CLVS1: variants seen among roughly 807,000 people sequenced by gnomAD.
CLVS1 encodes clavesin 1.
CLVS1 carries 10 observed loss-of-function variants against 33.1 expected under a neutral mutation model. That is an observed-to-expected ratio of 0.30 (90% CI 0.19 to 0.51). The LOEUF (loss-of-function observed/expected upper bound fraction) is 0.51. Among genes scored for constraint, CLVS1 ranks in the 20% least tolerant of loss-of-function variants. CLVS1 has a pLI of 0.97. For synonymous variants in CLVS1, 163 were observed against 166.1 expected, an observed-to-expected ratio of 0.98 and a Z score of 0.14; for missense variants, 343 against 433.4, an observed-to-expected ratio of 0.79 and a Z score of 1.85.
the CLVS1 span, among the ~76,000 whole-genome samples, chr8:61,044,988 G>A: frequency 6.6e-6 from 1 of 152,298 alleles, no homozygotes; most frequent in South Asian, 2.1e-4. Context: ...CCAAACAGAT[G>A]GGATGGATTG....
chr8:61,215,926 T>C (rs986271246), intron 2 of CLVS1, among the ~76,000 whole-genome samples: 7 of 152,132 alleles, frequency 4.6e-5, no homozygotes, highest in African/African-American at 1.7e-4. Flanking sequence ...AATCCATTTC[T>C]TGGATCCTTT....
At chr8:61,047,962 T>A in the CLVS1 span, among the ~76,000 whole-genome samples, 18 of 145,974 alleles carry the variant, frequency 1.2e-4, no homozygotes, top group East Asian at 2.4e-3. Context: ...ATAAAAAAAA[T>A]TCATCATCCA....
At chr8:61,029,699 T>C in the CLVS1 span, among the ~76,000 whole-genome samples, 1 of 152,124 alleles carries the variant, frequency 6.6e-6, no homozygotes, top group Non-Finnish European at 1.5e-5. Flanking sequence ...GCTGCACCCA[T>C]CAACCCAAGG....
At chr8:61,052,148 TAATTC>T in the CLVS1 span, among the ~76,000 whole-genome samples, 1 of 152,232 alleles carries the variant, frequency 6.6e-6, no homozygotes, top group South Asian at 2.1e-4. Flanking sequence ...CCACTCCGTT[TAATTC>T]ATTCATCAGT....
intron 2 of CLVS1, among the ~76,000 whole-genome samples, chr8:61,133,174 T>C (rs1806132352): frequency 6.6e-6 from 1 of 151,948 alleles, no homozygotes; most frequent in African/African-American, 2.4e-5. Context: ...AGTTAGCCTG[T>C]AGGGAAGGCA....
chr8:60,988,460 C>T, the CLVS1 span, among the ~76,000 whole-genome samples: 2 of 152,008 alleles, frequency 1.3e-5, no homozygotes, highest in East Asian at 3.9e-4. Context: ...CCTGTGATGC[C>T]GGTGACCTTT....
rs1804514267 is a variant in CLVS1 at position 61,499,968 on chromosome 8, C to T, written c.*426C>T. 6.3e-6 allele frequency: 1 copy of T among 159,110 alleles called. No homozygotes were observed. The highest frequency in any genetic ancestry group is 1.4e-5 in the Non-Finnish European group (1 of 71,436). The allele number at this position is 159,110 out of a possible 1,614,324, so 9.9% of individuals were successfully genotyped here. ...TATCAGAGTTAAACTGTACAGACAC[C>T]ACTGTCAAGTTTCATGTAGTACAAA... On this transcript the variant is annotated 3_prime_UTR_variant, in exon 6 of 6. Coordinates refer to ENST00000325897, the MANE Select transcript of CLVS1 (RefSeq NM_173519.3).
chr8:61,227,110 G>C (rs1190236250), intron 2 of CLVS1, among the ~76,000 whole-genome samples: 1 of 150,530 alleles, frequency 6.6e-6, no homozygotes, highest in African/African-American at 2.4e-5. Context: ...ACAAGACAAA[G>C]CTGTATTGTC....
intron 1 of CLVS1, among the ~76,000 whole-genome samples, chr8:61,092,163 CAACT>C (rs1254546834): frequency 6.6e-6 from 1 of 152,140 alleles, no homozygotes; most frequent in East Asian, 1.9e-4. Flanking sequence ...GTTGTGAAGC[CAACT>C]AACTTATAAG....
At chr8:61,456,091 C>T (rs773096343) in intron 4 of CLVS1, among the ~76,000 whole-genome samples, 17 of 152,140 alleles carry the variant, frequency 1.1e-4, no homozygotes, top group Admixed American at 7.9e-4. Context: ...CAGGTTGGAG[C>T]GAGAGAGAAT....
chr8:60,979,136 T>C, the CLVS1 span, among the ~76,000 whole-genome samples: 3 of 152,330 alleles, frequency 2.0e-5, no homozygotes, highest in South Asian at 6.2e-4. Context: ...CCAGTAGGAC[T>C]GGGTTCTAGT....
chr8:60,970,549 G>A, the CLVS1 span, among the ~76,000 whole-genome samples: 1 of 152,210 alleles, frequency 6.6e-6, no homozygotes, highest in East Asian at 1.9e-4. Flanking sequence ...GCACAGTTTG[G>A]GTAGGTGAGT....
intron 1 of CLVS1, among the ~76,000 whole-genome samples, chr8:61,058,051 TGTCA>T (rs1804511659): frequency 6.6e-6 from 1 of 152,234 alleles, no homozygotes; most frequent in African/African-American, 2.4e-5. Context: ...CTGTTGAGAA[TGTCA>T]GTCAAAGTGT....
intron 2 of CLVS1, among the ~76,000 whole-genome samples, chr8:61,330,523 TA>T (rs1278607085): frequency 6.6e-6 from 1 of 152,212 alleles, no homozygotes; most frequent in South Asian, 2.1e-4. Flanking sequence ...GTGTGTGCAC[TA>T]AAGATTAATT....
intron 2 of CLVS1, among the ~76,000 whole-genome samples, chr8:61,208,834 C>T (rs1807913843): frequency 6.6e-6 from 1 of 152,204 alleles, no homozygotes; most frequent in South Asian, 2.1e-4. Context: ...GATCTGCCCA[C>T]CTCGGCCTCC....
At chr8:61,052,315 C>T (rs917119202), upstream of CLVS1, among the ~76,000 whole-genome samples, 8 of 151,936 alleles carry the variant, frequency 5.3e-5, no homozygotes, top group Non-Finnish European at 8.8e-5. Context: ...ATAAGTAAAA[C>T]GATGTTTAAA....
rs377430743 is a variant in CLVS1 at position 61,499,169 on chromosome 8, T to C, written c.978-286T>C. Among the ~76,000 whole-genome samples, 10 of 151,978 alleles carry C rather than the reference T, an allele frequency of 6.6e-5. No individual in the cohort carries two copies. The East Asian group carries it at 7.7e-4, about 12-fold the overall frequency. ...GAATATATTATGTAGTTATTTTGAG[T>C]GTCTTTATTTCTTATTTTTATTTTG... On this transcript the variant is annotated intron_variant, in intron 5 of 5. Coordinates refer to ENST00000325897, the MANE Select transcript of CLVS1 (RefSeq NM_173519.3).
chr8:61,365,696 A>G (rs1345852098), intron 2 of CLVS1, among the ~76,000 whole-genome samples: 2 of 152,032 alleles, frequency 1.3e-5, no homozygotes, highest in Admixed American at 6.6e-5. Flanking sequence ...TCATGGAATA[A>G]TTAAAGAATC....
intron 2 of CLVS1, among the ~76,000 whole-genome samples, chr8:61,301,327 C>G (rs895379624): frequency 5.9e-5 from 9 of 152,144 alleles, no homozygotes; most frequent in African/African-American, 1.9e-4. Context: ...CTGTCAGACA[C>G]CCAAAGGAGA....
Sources: gnomAD v4.1 joint callset for allele counts (sites outside exome capture counted in the v4.1 genomes callset) on GRCh38, gnomAD v4.1.1 for gene constraint, MANE v1.5 for transcripts, NCBI Gene and HGNC (gene_info 2026-07-23, HGNC 2026-07-21) for gene names.